ZNRF1: variants seen among roughly 807,000 people sequenced by gnomAD.
ZNRF1 encodes zinc and ring finger 1.
A neutral mutation model predicts 18.4 loss-of-function variants in ZNRF1; 3 were observed. The observed-to-expected ratio is 0.16, with a 90% CI of 0.07 to 0.42. The LOEUF (loss-of-function observed/expected upper bound fraction) is 0.42, where lower values mean the gene tolerates loss of function less well. Among genes scored for constraint, ZNRF1 ranks in the 10% least tolerant of loss-of-function variants. The pLI is 0.99. For synonymous variants in ZNRF1, 157 were observed against 144.2 expected (o/e 1.09, Z -0.64); for missense variants, 310 against 329.8 (o/e 0.94, Z 0.47).
intron 1 of ZNRF1, among the ~76,000 whole-genome samples, chr16:75,034,506 C>T (rs2035352113): frequency 6.6e-6 from 1 of 152,160 alleles, no homozygotes; most frequent in African/African-American, 2.4e-5. Context: ...TTTGTTTGTC[C>T]CCATTCATGC....
At chr16:75,076,939 C>A (rs541752732) in intron 1 of ZNRF1, among the ~76,000 whole-genome samples, 1 of 152,140 alleles carries the variant, frequency 6.6e-6, no homozygotes, top group East Asian at 2.0e-4. Flanking sequence ...CCTGGCAGCA[C>A]CTTGATCTTG....
chr16:75,060,801 C>T (rs181580416), intron 1 of ZNRF1, among the ~76,000 whole-genome samples: 10 of 152,166 alleles, frequency 6.6e-5, no homozygotes, highest in Non-Finnish European at 1.5e-4. Context: ...TTAATCTTGG[C>T]CGCAGCTTTG....
At chr16:75,033,806 T>C (rs796114577) in intron 1 of ZNRF1, among the ~76,000 whole-genome samples, 5 of 152,196 alleles carry the variant, frequency 3.3e-5, no homozygotes, top group African/African-American at 1.2e-4. Flanking sequence ...TCTTTGATGT[T>C]GTTTAAAGAT....
chr16:75,017,563 A>G (rs2035088729), intron 1 of ZNRF1, among the ~76,000 whole-genome samples: 1 of 152,216 alleles, frequency 6.6e-6, no homozygotes, highest in Non-Finnish European at 1.5e-5. Flanking sequence ...TTTCAAGTTT[A>G]AGAAATCTAT....
chr16:75,098,974 C>T (rs1195991607), intron 2 of ZNRF1, among the ~76,000 whole-genome samples: 1 of 152,200 alleles, frequency 6.6e-6, no homozygotes, highest in Non-Finnish European at 1.5e-5. Context: ...TGTGTCTCTC[C>T]TGTCTGGTCT....
At chr16:75,074,656 AC>A (rs2035915870) in intron 1 of ZNRF1, among the ~76,000 whole-genome samples, 1 of 152,120 alleles carries the variant, frequency 6.6e-6, no homozygotes, top group Non-Finnish European at 1.5e-5. Context: ...AGACATGGAC[AC>A]CTCAGGGGAA....
intron 1 of ZNRF1, among the ~76,000 whole-genome samples, chr16:75,086,958 G>A (rs982056213): frequency 2.0e-5 from 3 of 152,172 alleles, no homozygotes; most frequent in Non-Finnish European, 2.9e-5. Flanking sequence ...GGGGCAGAAG[G>A]GAGGGCTGGG....
At chr16:75,089,773 T>G (rs1024892713) in intron 1 of ZNRF1, among the ~76,000 whole-genome samples, 1 of 152,216 alleles carries the variant, frequency 6.6e-6, no homozygotes, top group Non-Finnish European at 1.5e-5. Context: ...CATGAATGTC[T>G]GGTGACATTC....
chr16:75,074,819 G>C (rs2145404882), intron 1 of ZNRF1, among the ~76,000 whole-genome samples: 1 of 152,250 alleles, frequency 6.6e-6, no homozygotes, highest in African/African-American at 2.4e-5. Flanking sequence ...TATAATCCCA[G>C]CTCTTTAGGA....
chr16:75,068,699 GGT>G (rs2035833694), intron 1 of ZNRF1, among the ~76,000 whole-genome samples: 2 of 151,870 alleles, frequency 1.3e-5, no homozygotes, highest in African/African-American at 4.8e-5. Context: ...CTGGCCCTGG[GGT>G]CTAGCATCTG....
chr16:75,073,840 T>C (rs992581442), intron 1 of ZNRF1, among the ~76,000 whole-genome samples: 1 of 152,164 alleles, frequency 6.6e-6, no homozygotes, highest in African/African-American at 2.4e-5. Context: ...CTAGGAAATA[T>C]ACCCAGAAAT....
At chr16:75,070,678 C>CT (rs1278088574) in intron 1 of ZNRF1, among the ~76,000 whole-genome samples, 1 of 152,170 alleles carries the variant, frequency 6.6e-6, no homozygotes. Flanking sequence ...CACCATACCC[C>CT]TTCCCAGTTG....
chr16:75,053,924 T>A (rs1470569858), intron 1 of ZNRF1, among the ~76,000 whole-genome samples: 1 of 152,206 alleles, frequency 6.6e-6, no homozygotes, highest in Non-Finnish European at 1.5e-5. Flanking sequence ...CCACGCAAGT[T>A]CTTTGTTACA....
chr16:75,049,037 C>A (rs1434104204), intron 1 of ZNRF1, among the ~76,000 whole-genome samples: 9 of 149,610 alleles, frequency 6.0e-5, no homozygotes, highest in Non-Finnish European at 1.2e-4. Context: ...GAGTCTCTCA[C>A]TTTGTCACCC....
chr16:75,069,459 G>T (rs1361268234), intron 1 of ZNRF1, among the ~76,000 whole-genome samples: 2 of 152,150 alleles, frequency 1.3e-5, no homozygotes, highest in African/African-American at 2.4e-5. Context: ...TATTGCCCAG[G>T]CTGGAGTACA....
At chr16:75,107,057 G>A (rs777500663) in intron 4 of ZNRF1, 2 of 168,828 alleles carry the variant, frequency 1.2e-5, no homozygotes, top group Admixed American at 5.5e-5. Flanking sequence ...GCTGGTCAGC[G>A]ATCATTTGAC....
intron 1 of ZNRF1, among the ~76,000 whole-genome samples, chr16:75,053,248 G>C (rs951221091): frequency 2.6e-5 from 4 of 152,150 alleles, no homozygotes; most frequent in African/African-American, 9.7e-5. Context: ...TAGAGGGTCA[G>C]AAAAGCATTT....
chr16:75,024,426 T>C (rs2035194792), intron 1 of ZNRF1, among the ~76,000 whole-genome samples: 1 of 152,212 alleles, frequency 6.6e-6, no homozygotes, highest in Non-Finnish European at 1.5e-5. Flanking sequence ...TAGTAAAAGT[T>C]CAGTAAATAT....
chr16:75,019,688 T>G (rs1035751651), intron 1 of ZNRF1, among the ~76,000 whole-genome samples: 8 of 152,176 alleles, frequency 5.3e-5, no homozygotes, highest in African/African-American at 1.7e-4. Context: ...TCTTCCATAT[T>G]TTACCAACTT....
Sources: allele counts gnomAD v4.1 joint callset (sites outside exome capture counted in the v4.1 genomes callset), GRCh38; gene constraint gnomAD v4.1.1; transcripts MANE v1.5; gene names NCBI Gene and HGNC (gene_info 2026-07-23, HGNC 2026-07-21).